HSD17B4: variants seen among roughly 807,000 people sequenced by gnomAD.
HSD17B4 encodes peroxisomal multifunctional enzyme type 2.
A neutral mutation model predicts 101.0 loss-of-function variants in HSD17B4; 70 were observed. The observed-to-expected ratio is 0.69, with a 90% CI of 0.57 to 0.85. The LOEUF (loss-of-function observed/expected upper bound fraction) is 0.85. HSD17B4 is among the 40% of genes least tolerant of loss of function. The pLI, the probability that HSD17B4 is intolerant of heterozygous loss-of-function variation, is 0.00. For synonymous variants in HSD17B4, 347 were observed against 297.1 expected, an observed-to-expected ratio of 1.17 and a Z score of -1.73; for missense variants, 984 against 892.4, an observed-to-expected ratio of 1.10 and a Z score of -1.31.
chr5:119,508,120 C>G (rs886649797), intron 15 of HSD17B4, among the ~76,000 whole-genome samples: 2 of 151,176 alleles, frequency 1.3e-5, no homozygotes, highest in Admixed American at 6.6e-5. Context: ...CTTCCTTTCT[C>G]TTCTCTTTTT....
intron 17 of HSD17B4, among the ~76,000 whole-genome samples, chr5:119,521,985 G>T (rs1374690837): frequency 6.6e-6 from 1 of 151,106 alleles, no homozygotes; most frequent in African/African-American, 2.4e-5. Context: ...TGTGCACAAT[G>T]TGCAGGTTTG....
chr5:119,456,608 A>T, intron 2 of HSD17B4: 1 of 510,102 alleles, frequency 2.0e-6, no homozygotes, highest in Admixed American at 3.3e-5. Context: ...GGGGGTAGGC[A>T]TGCTGGCTTG....
Position 119,531,263 on chromosome 5 carries a change from T to A in HSD17B4, c.1855-3T>A. 1 of 1,613,466 alleles carries A rather than the reference T, an allele frequency of 6.2e-7. No individual in the cohort carries two copies. Among genetic ancestry groups the A allele is most frequent in the Non-Finnish European group, 8.5e-7 (1 of 1,179,562 alleles). On this transcript the variant is annotated splice_region_variant and splice_polypyrimidine_tract_variant and intron_variant, in intron 21 of 23. Coordinates refer to ENST00000510025, the MANE Select transcript of HSD17B4 (RefSeq NM_000414.4). ...TTAAAGTTTATTTTGTTGTCGTTGT[T>A]AGGGCGGGAAGCTTCAGAGTACCTT...
At position 119,452,509 on chromosome 5, in the gene HSD17B4, C is replaced by T. The variant is rs963238188; in HGVS notation, c.-67C>T. 18 of 1,612,646 alleles carry T rather than the reference C, an allele frequency of 1.1e-5. No homozygotes were observed. The highest frequency in any genetic ancestry group is 1.5e-5 in the Non-Finnish European group (18 of 1,179,778). ...TCCCGCCCCCGCCATTCCCCGCCTC[C>T]TCCTGTCCCGCAGTCGGCGTCCAGC... On this transcript the variant is annotated 5_prime_UTR_variant, in exon 1 of 24. Transcript: ENST00000510025.
intron 8 of HSD17B4, 79 bp downstream of exon 8, chr5:119,479,100 T>G (rs1046864108): frequency 9.9e-7 from 1 of 1,008,392 alleles, no homozygotes; most frequent in Non-Finnish European, 1.5e-6. Context: ...GTATTTAATT[T>G]TCTGAATACT....
intron 1 of HSD17B4, chr5:119,452,890 G>C (rs1017894118): frequency 1.3e-6 from 2 of 1,523,682 alleles, no homozygotes; most frequent in African/African-American, 2.7e-5. Flanking sequence ...GAGAGGCCAG[G>C]CTGGGCTGCT....
chr5:119,538,940 A>G (rs1754752853), intron 23 of HSD17B4, among the ~76,000 whole-genome samples: 1 of 152,202 alleles, frequency 6.6e-6, no homozygotes. Flanking sequence ...GAACAGGGAC[A>G]GATATTCAGC....
chr5:119,477,079 G>A (rs903030167), intron 6 of HSD17B4, among the ~76,000 whole-genome samples: 1 of 152,088 alleles, frequency 6.6e-6, no homozygotes, highest in Non-Finnish European at 1.5e-5. Flanking sequence ...GTTAGTGTTG[G>A]GTGCCAGTTA....
intron 22 of HSD17B4, among the ~76,000 whole-genome samples, chr5:119,533,525 A>T (rs759440769): frequency 3.9e-5 from 6 of 152,110 alleles, no homozygotes; most frequent in South Asian, 4.1e-4. Flanking sequence ...AAAGAGTCAA[A>T]ACTAATACTG....
intron 11 of HSD17B4, 84 bp downstream of exon 11, chr5:119,494,030 G>T: frequency 7.3e-7 from 1 of 1,361,554 alleles, no homozygotes; most frequent in Non-Finnish European, 1.0e-6. Flanking sequence ...TGTCTTCTAT[G>T]TTAACTGTAG....
At chr5:119,456,148 C>T (rs1483381375) in intron 1 of HSD17B4, among the ~76,000 whole-genome samples, 167 bp from the exon 2 acceptor site, 3 of 152,072 alleles carry the variant, frequency 2.0e-5, no homozygotes, top group Non-Finnish European at 4.4e-5. Context: ...CCTCTGCAAG[C>T]AGAAGAGAGT....
intron 2 of HSD17B4, among the ~76,000 whole-genome samples, chr5:119,461,725 A>G (rs1580511352): frequency 6.6e-6 from 1 of 151,258 alleles, no homozygotes. Context: ...CTTTGCCAAA[A>G]AAAAAAAAAA....
intron 8 of HSD17B4, among the ~76,000 whole-genome samples, chr5:119,486,804 G>A (rs1749650352): frequency 6.6e-6 from 1 of 151,926 alleles, no homozygotes; most frequent in Non-Finnish European, 1.5e-5. Context: ...AGTCAGGAAG[G>A]GTACAAATGC....
At chr5:119,493,104 A>G (rs549164787) in intron 10 of HSD17B4, 1 of 152,212 alleles carries the variant, frequency 6.6e-6, no homozygotes, top group Non-Finnish European at 1.5e-5. Flanking sequence ...TCAATAGGAA[A>G]GCTCTAGACA....
chr5:119,452,724 G>A, intron 1 of HSD17B4, 91 bp downstream of exon 1: 1 of 1,604,612 alleles, frequency 6.2e-7, no homozygotes. Context: ...CCGCAGCTGA[G>A]GTCACCCCGC....
chr5:119,508,120 C>T (rs886649797), intron 15 of HSD17B4, among the ~76,000 whole-genome samples: 1 of 151,176 alleles, frequency 6.6e-6, no homozygotes, highest in Non-Finnish European at 1.5e-5. Context: ...CTTCCTTTCT[C>T]TTCTCTTTTT....
intron 10 of HSD17B4, chr5:119,492,405 A>G (rs1750191212): frequency 2.4e-6 from 1 of 411,354 alleles, no homozygotes; most frequent in Non-Finnish European, 4.4e-6. Flanking sequence ...CAGACAGCAT[A>G]TATTGATAAT....
intron 10 of HSD17B4, 70 bp downstream of exon 10, chr5:119,492,194 A>G: frequency 1.7e-6 from 2 of 1,173,474 alleles, no homozygotes; most frequent in Non-Finnish European, 2.6e-6. Flanking sequence ...TCCAGTTGAG[A>G]TGGGTAAGAT....
At chr5:119,500,652 G>A (rs746714226) in intron 13 of HSD17B4, among the ~76,000 whole-genome samples, 3 of 152,070 alleles carry the variant, frequency 2.0e-5, no homozygotes, top group Non-Finnish European at 2.9e-5. Flanking sequence ...GTCACCTAAT[G>A]TGTGAGAGTA....
Sources: allele counts gnomAD v4.1 joint callset (sites outside exome capture counted in the v4.1 genomes callset), GRCh38; gene constraint gnomAD v4.1.1; transcripts MANE v1.5; gene names NCBI Gene and HGNC (gene_info 2026-07-23, HGNC 2026-07-21).